RALY: variants seen among roughly 807,000 people sequenced by gnomAD.
RALY encodes RALY heterogeneous nuclear ribonucleoprotein.
A neutral mutation model predicts 30.7 loss-of-function variants in RALY; 15 were observed. The ratio of observed to expected loss-of-function variants is 0.49; its 90% confidence interval spans 0.33 to 0.75. RALY has a LOEUF of 0.75. RALY is among the 30% of genes least tolerant of loss of function. RALY has a pLI of 0.02. For synonymous variants in RALY, 177 were observed against 170.8 expected, an observed-to-expected ratio of 1.04 and a Z score of -0.28; for missense variants, 339 against 414.3, an observed-to-expected ratio of 0.82 and a Z score of 1.58.
At chr20:34,002,683 G>T (rs1362157240) in intron 1 of RALY, among the ~76,000 whole-genome samples, 1 of 152,138 alleles carries the variant, frequency 6.6e-6, no homozygotes. Context: ...TTGCTAAGGT[G>T]TCCAACACCC....
rs569273682 is a variant in RALY, at chr20:33,997,240, G to T, written c.-93+3109G>T. On this transcript the variant is annotated intron_variant, in intron 1 of 9. Transcript: ENST00000246194. ...AAGGGATCTCTTGCCTCAGCCTCCC[G>T]AGTAGCTGGGACTACAGGCATGCAC... Among the ~76,000 whole-genome samples, 9 of 152,162 alleles carry T rather than the reference G, an allele frequency of 5.9e-5. 1 individual carries two copies. In the South Asian group the frequency reaches 1.7e-3, roughly 28 times the overall value.
At chr20:34,003,342 A>G (rs972357902) in intron 1 of RALY, among the ~76,000 whole-genome samples, 1 of 152,194 alleles carries the variant, frequency 6.6e-6, no homozygotes, top group Non-Finnish European at 1.5e-5. Context: ...GTAAAATCAC[A>G]TGAGACAATT....
At position 34,083,377 on chromosome 20, in the gene RALY, T is replaced by C. The variant is rs2034059506; in HGVS notation, c.*3472T>C. 1 of 152,242 alleles carries C rather than the reference T, an allele frequency of 6.6e-6. No individual in the cohort carries two copies. The highest frequency in any genetic ancestry group is 1.5e-5 in the Non-Finnish European group (1 of 68,066). The allele number at this position is 152,242 out of a possible 1,614,324, so 9.4% of individuals were successfully genotyped here. A position where few individuals can be genotyped will look rare whatever the true frequency, so the allele number is the denominator to read the frequency against. ...CATCTAGCAGGCTGACCCAGGATTC[T>C]AGACATCATGGCTGAGTTCCAAAAA... On this transcript the variant is annotated 3_prime_UTR_variant, in exon 10 of 10. Coordinates refer to ENST00000246194, the MANE Select transcript of RALY (RefSeq NM_016732.3).
chr20:34,062,474 A>G (rs1161074795), intron 2 of RALY, among the ~76,000 whole-genome samples: 1 of 152,244 alleles, frequency 6.6e-6, no homozygotes, highest in Non-Finnish European at 1.5e-5. Flanking sequence ...CACCAGGGAT[A>G]ACACAAATTA....
At chr20:34,019,455 C>T (rs561790484) in intron 1 of RALY, among the ~76,000 whole-genome samples, 7 of 152,244 alleles carry the variant, frequency 4.6e-5, no homozygotes, top group East Asian at 1.9e-4. Flanking sequence ...TGGCCAGACC[C>T]GAAAACATGA....
chr20:34,046,413 GGGTCAT>G (rs2032880514), intron 2 of RALY, among the ~76,000 whole-genome samples: 1 of 152,196 alleles, frequency 6.6e-6, no homozygotes, highest in Non-Finnish European at 1.5e-5. Context: ...CTGCTTCATG[GGGTCAT>G]TGGAAGGATT....
chr20:34,044,743 C>T (rs1217797629), intron 2 of RALY, among the ~76,000 whole-genome samples: 1 of 152,142 alleles, frequency 6.6e-6, no homozygotes, highest in African/African-American at 2.4e-5. Context: ...TGAGATGTTC[C>T]CCAGTTCCAC....
Position 34,075,945 on chromosome 20 carries a change from T to C in RALY, c.449T>C (p.Val150Ala). 1 of 1,614,176 alleles carries C rather than the reference T, an allele frequency of 6.2e-7. No homozygotes were observed. Among genetic ancestry groups the C allele is most frequent in the Admixed American group, 1.7e-5 (1 of 60,018 alleles). Residue 150 changes from valine to alanine, a missense_variant, in exon 6 of 10, where the codon GTC (valine) becomes GCC (alanine). Physicochemically the swap from Val to Ala is moderately conservative, Grantham distance 64. Around this residue, in one of 2 missense-constraint regions of RALY, gnomAD observed 268 missense variants for 280.6 expected, o/e 0.95. Transcript: ENST00000246194. ...GCGGTCCCTGTGAAGCGACCCCGGG[T>C]CACAGTCCCTTTGGTCCGGCGTGTC... Reference protein sequence around the residue: ...PRAVPVKRPRVTVPLVRRVKT... With the variant: ...PRAVPVKRPRATVPLVRRVKT...
chr20:34,049,195 A>G (rs2284385), intron 2 of RALY: 7,015 of 154,066 alleles, frequency 0.046, 232 homozygotes, highest in South Asian at 0.096. Flanking sequence ...GAATCTTGCT[A>G]GAGTGGAGAA....
intron 1 of RALY, among the ~76,000 whole-genome samples, chr20:34,003,634 GTT>G (rs775178178): frequency 4.4e-5 from 5 of 112,958 alleles, no homozygotes; most frequent in Admixed American, 9.3e-5. Flanking sequence ...ATGCCAAACA[GTT>G]TTTTTTTTTT....
chr20:34,019,548 C>G (rs1280702303), intron 1 of RALY, among the ~76,000 whole-genome samples: 1 of 152,120 alleles, frequency 6.6e-6, no homozygotes, highest in African/African-American at 2.4e-5. Context: ...TCTGCTAGAA[C>G]CGAAGATCCC....
Position 34,048,303 on chromosome 20 carries a change from G to A in RALY, c.-10+16699G>A, listed in dbSNP as rs75999067. On this transcript the variant is annotated intron_variant, in intron 2 of 9. Transcript: ENST00000246194. ...CTGACAGCAGAGTCGTGTGTCTCTC[G>A]TGCTCCTGGGGGGATGAGAGTGTTG... Among the ~76,000 whole-genome samples the A allele has an allele frequency of 7.0e-3, 1,067 of 152,230 alleles. 18 individuals carry two copies. The highest frequency in any genetic ancestry group is 0.024 in the African/African-American group (1,012 of 41,536).
At chr20:34,014,955 AAAG>A (rs1211434544) in intron 1 of RALY, 3 of 152,198 alleles carry the variant, frequency 2.0e-5, no homozygotes, top group African/African-American at 7.2e-5. Context: ...AAAGTCAAAA[AAAG>A]AAATGTGACA....
chr20:34,029,367 G>A (rs1324026805), intron 1 of RALY, among the ~76,000 whole-genome samples: 1 of 151,946 alleles, frequency 6.6e-6, no homozygotes, highest in Non-Finnish European at 1.5e-5. Flanking sequence ...AACCCGGGGG[G>A]CCGGGGGTTG....
At chr20:34,010,045 C>T (rs1013963765) in intron 1 of RALY, among the ~76,000 whole-genome samples, 6 of 152,104 alleles carry the variant, frequency 3.9e-5, no homozygotes, top group East Asian at 1.9e-4. Context: ...AAATCTGTCT[C>T]GGCCTATCTT....
intron 2 of RALY, among the ~76,000 whole-genome samples, chr20:34,047,857 A>G (rs1316781570): frequency 1.3e-5 from 2 of 152,160 alleles, no homozygotes; most frequent in East Asian, 3.8e-4. Flanking sequence ...CCTAGGAGAT[A>G]GCAGCAACGT....
chr20:34,015,526 C>G (rs2031572222), intron 1 of RALY, among the ~76,000 whole-genome samples: 1 of 152,002 alleles, frequency 6.6e-6, no homozygotes, highest in Non-Finnish European at 1.5e-5. Flanking sequence ...CCTTGTGAAG[C>G]TGAGAAGTAA....
chr20:34,025,828 C>T (rs537979529), intron 1 of RALY, among the ~76,000 whole-genome samples: 2 of 151,222 alleles, frequency 1.3e-5, no homozygotes, highest in Admixed American at 1.3e-4. Flanking sequence ...CACACCCAGG[C>T]TTCCCATAAT....
At chr20:34,050,487 T>G (rs1391118870) in intron 2 of RALY, among the ~76,000 whole-genome samples, 1 of 152,202 alleles carries the variant, frequency 6.6e-6, no homozygotes, top group Non-Finnish European at 1.5e-5. Flanking sequence ...TGCCAGAAAC[T>G]AGAGGGAGCA....
Sources: gnomAD v4.1 joint callset for allele counts (sites outside exome capture counted in the v4.1 genomes callset) on GRCh38, gnomAD v4.1.1 for gene constraint, gnomAD v4.1.1 regional missense constraint, MANE v1.5 for transcripts, NCBI Gene and HGNC (gene_info 2026-07-23, HGNC 2026-07-21) for gene names.